The following FBXO33 variants were observed in gnomAD, a reference collection of about 807,000 sequenced individuals.
FBXO33 encodes F-box protein 33, also known as F-box only protein 33.
A neutral mutation model predicts 46.3 loss-of-function variants in FBXO33; 22 were observed. The ratio of observed to expected loss-of-function variants is 0.48; its 90% CI spans 0.34 to 0.68. The LOEUF is 0.68. Ranked by LOEUF, FBXO33 falls within the 30% of genes least tolerant of loss-of-function variation. The pLI is 0.01. For synonymous variants in FBXO33, 337 were observed against 291.3 expected, an observed-to-expected ratio of 1.16 and a Z score of -1.60; for missense variants, 692 against 708.8, an observed-to-expected ratio of 0.98 and a Z score of 0.27.
chr14:39,410,328 G>A (rs59467968), intron 1 of FBXO33, among the ~76,000 whole-genome samples: 5,343 of 152,228 alleles, frequency 0.035, 341 homozygotes, highest in African/African-American at 0.12. Flanking sequence ...ACAATGTGGC[G>A]TAGTATATTT....
intron 1 of FBXO33, among the ~76,000 whole-genome samples, chr14:39,423,400 G>A (rs1313253399): frequency 1.3e-5 from 2 of 152,132 alleles, no homozygotes; most frequent in African/African-American, 4.8e-5. Flanking sequence ...TATACGGTAT[G>A]ATCCAGAAAT....
chr14:39,401,762 T>A lies in FBXO33; in HGVS notation c.810A>T (p.Ser270=). The change falls in exon 3 of 4, where the codon TCA becomes TCT. Residue 270 remains serine (S), a synonymous_variant. Coordinates refer to ENST00000298097, the MANE Select transcript of FBXO33 (RefSeq NM_203301.4). ...MLEIVTPTSL[S]SLSNAVANTM... ...TGTTGGCAACAGCATTAGAGAGAGA[T>A]GACAGTGATGTTGGGGTTACTATTT... 3.7e-6 allele frequency: 6 copies of A among 1,614,176 alleles called. No homozygotes were observed. Among genetic ancestry groups the A allele is most frequent in the Non-Finnish European group, 5.1e-6 (6 of 1,180,012 alleles).
chr14:39,421,314 C>G (rs2075482053), intron 1 of FBXO33, among the ~76,000 whole-genome samples: 1 of 152,016 alleles, frequency 6.6e-6, no homozygotes, highest in African/African-American at 2.4e-5. Context: ...TTTTTTTGTT[C>G]ACCTTAAGGA....
Position 39,402,497 on chromosome 14 carries a change from A to C in FBXO33, c.614T>G (p.Phe205Cys). ...AACACTTATGTCTCCAAAAAGACTA[A>C]ACTTCTGAAGGTTCCTACAAGAACA... Reference protein sequence around the residue: ...SIRNNRNLQKFSLFGDISVLQ... With the variant: ...SIRNNRNLQKCSLFGDISVLQ... The change falls in exon 2 of 4, where the codon TTT (phenylalanine) becomes TGT (cysteine). Residue 205 changes from phenylalanine to cysteine, a missense_variant. By Grantham distance (205) the Phe-to-Cys change is radical. This residue lies in a region of FBXO33 where 412 missense variants were observed against 370.8 expected (regional missense o/e 1.11). Transcript: ENST00000298097. The C allele has an allele frequency of 6.5e-7, 1 of 1,526,868 alleles. No individual in the cohort carries two copies. Among genetic ancestry groups the C allele is most frequent in the Non-Finnish European group, 8.8e-7 (1 of 1,135,008 alleles). The allele number at this position is 1,526,868 out of a possible 1,614,324, so 94.6% of individuals were successfully genotyped here.
At position 39,401,823 on chromosome 14, in the gene FBXO33, C is replaced by T; in HGVS notation, c.749G>A (p.Arg250Lys). The T allele has an allele frequency of 6.2e-7, 1 of 1,613,800 alleles. No individual in the cohort carries two copies. Among genetic ancestry groups the T allele is most frequent in the Non-Finnish European group, 8.5e-7 (1 of 1,179,904 alleles). ...QLFEEILSNS[R>K]QLKWLSCGFM... is the part of the protein sequence containing the mutation. ...CCCACAGGACAGCCATTTCAGTTGC[C>T]TACTATTACTCAGGATTTCTTCAAA... The change falls in exon 3 of 4, where the codon AGG becomes AAG. Residue 250 changes from arginine to lysine, a missense_variant. Transcript: ENST00000298097.
intron 1 of FBXO33, among the ~76,000 whole-genome samples, chr14:39,424,206 T>G (rs1363781003): frequency 6.6e-6 from 1 of 152,206 alleles, no homozygotes; most frequent in Non-Finnish European, 1.5e-5. Context: ...GCTTGCTCCC[T>G]CCCTACCTTC....
Position 39,431,855 on chromosome 14 carries a change from A to C in FBXO33, c.308T>G (p.Phe103Cys). The C allele has an allele frequency of 6.3e-7, 1 of 1,595,132 alleles. No individual in the cohort carries two copies. Among genetic ancestry groups the C allele is most frequent in the Non-Finnish European group, 8.5e-7 (1 of 1,174,786 alleles). Residue 103 changes from phenylalanine (F) to cysteine (C), a missense_variant, in exon 1 of 4, where the codon TTC becomes TGC. By Grantham distance (205) the Phe-to-Cys change is radical. Transcript: ENST00000298097. Reference sequence around the variant, plus strand: ...GAGCTGGGGCCACAGGGCCGGATAGAAGAGGCACTCACGCCAGTGCGAGCA... The same window carrying C: ...GAGCTGGGGCCACAGGGCCGGATAGCAGAGGCACTCACGCCAGTGCGAGCA... ...ASCSHWRECL[F>C]YPALWPQLRI...
chr14:39,427,811 G>A (rs1412085476), intron 1 of FBXO33, among the ~76,000 whole-genome samples: 1 of 152,098 alleles, frequency 6.6e-6, no homozygotes. Context: ...AGCCAGGCAT[G>A]GTGGTGCATG....
At chr14:39,403,602 T>C (rs940282298) in intron 1 of FBXO33, among the ~76,000 whole-genome samples, 1 of 152,146 alleles carries the variant, frequency 6.6e-6, no homozygotes, top group African/African-American at 2.4e-5. Context: ...TTTTAGATAA[T>C]TTTAGCTACA....
intron 1 of FBXO33, among the ~76,000 whole-genome samples, chr14:39,412,084 T>C (rs1377923927): frequency 4.6e-5 from 7 of 152,230 alleles, no homozygotes; most frequent in Admixed American, 2.0e-4. Flanking sequence ...ATTTGGCCCA[T>C]AGTTTGGTTA....
intron 1 of FBXO33, among the ~76,000 whole-genome samples, chr14:39,429,310 A>G (rs1317086651): frequency 6.6e-6 from 1 of 152,214 alleles, no homozygotes; most frequent in African/African-American, 2.4e-5. Flanking sequence ...CCTCTTTTCT[A>G]CTTATAGAAT....
intron 1 of FBXO33, 26 bp from the exon 2 acceptor site, chr14:39,402,537 T>TTG: frequency 1.6e-6 from 2 of 1,223,860 alleles, no homozygotes; most frequent in Non-Finnish European, 2.2e-6. Flanking sequence ...TTTAAAATGA[T>TTG]TTGCTAAATA....
intron 1 of FBXO33, among the ~76,000 whole-genome samples, chr14:39,414,185 C>G (rs1309449021): frequency 6.6e-6 from 1 of 152,238 alleles, no homozygotes; most frequent in Non-Finnish European, 1.5e-5. Flanking sequence ...ACGACAGCAC[C>G]TGCTGATTCA....
At chr14:39,403,845 A>C (rs1424972985) in intron 1 of FBXO33, among the ~76,000 whole-genome samples, 4 of 148,430 alleles carry the variant, frequency 2.7e-5, no homozygotes, top group African/African-American at 1.0e-4. Flanking sequence ...TCTGTTGTTC[A>C]GGTTGGAGCG....
In FBXO33 at chr14:39,432,060, G is replaced by A; in HGVS notation, c.103C>T (p.Leu35=). 8.3e-7 allele frequency: 1 copy of A among 1,204,198 alleles called. No homozygotes were observed. Among genetic ancestry groups the A allele is most frequent in the Non-Finnish European group, 1.0e-6 (1 of 958,444 alleles). The allele number at this position is 1,204,198 out of a possible 1,614,324, so 74.6% of individuals were successfully genotyped here. A position where few individuals can be genotyped will look rare whatever the true frequency, so the allele number is the denominator to read the frequency against. Residue 35 remains leucine, a synonymous_variant, in exon 1 of 4, where the codon CTG becomes TTG. Transcript: ENST00000298097. ...ARWRRLRLQQ[L]RRLRGLLRVL... is the part of the protein sequence containing the mutation. ...CGGAGCAGCCCCCGCAGCCGTCGCA[G>A]CTGCTGCAGCCGCAGCCGCCGCCAC...
At chr14:39,409,415 C>G (rs2075412885) in intron 1 of FBXO33, among the ~76,000 whole-genome samples, 2 of 152,074 alleles carry the variant, frequency 1.3e-5, no homozygotes, top group Non-Finnish European at 2.9e-5. Context: ...TTTATGGGGT[C>G]TCTCTTCTGC....
intron 1 of FBXO33, among the ~76,000 whole-genome samples, chr14:39,408,800 C>CAGGGT (rs2075410020): frequency 6.6e-6 from 1 of 151,604 alleles, no homozygotes; most frequent in Non-Finnish European, 1.5e-5. Flanking sequence ...TTCTTTTAGA[C>CAGGGT]AGGGTCCTGC....
chr14:39,408,992 GTCTCGAGCTCCTGGGCTCAAGGAA>G (rs1280598556), intron 1 of FBXO33, among the ~76,000 whole-genome samples: 2 of 151,950 alleles, frequency 1.3e-5, no homozygotes, highest in Non-Finnish European at 2.9e-5. Context: ...GTCCAGGCTG[GTCTCGAGCTCCTGGGCTCAAGGAA>G]TCTGCCTGCC....
In FBXO33 at chr14:39,399,361, G is replaced by A. The variant is rs559547223; in HGVS notation, c.*155C>T. 1.4e-5 allele frequency: 9 copies of A among 650,016 alleles called. No homozygotes were observed. The highest frequency in any genetic ancestry group is 5.4e-5 in the African/African-American group (3 of 55,120). 40.3% of individuals were successfully genotyped at this position (650,016 alleles called of 1,614,324 possible). On this transcript the variant is annotated 3_prime_UTR_variant, in exon 4 of 4. Transcript: ENST00000298097. ...AACTTCTAAACCAATACCCGACTAC[G>A]TTCTTTGATCAAGAAGTAGAATATA... is the stretch of plus-strand genomic sequence containing the variant.
Sources: gnomAD v4.1 joint callset for allele counts (sites outside exome capture counted in the v4.1 genomes callset) on GRCh38, gnomAD v4.1.1 for gene constraint, gnomAD v4.1.1 regional missense constraint, MANE v1.5 for transcripts, NCBI Gene and HGNC (gene_info 2026-07-23, HGNC 2026-07-21) for gene names.